Variants in ATP10B observed in about 807,000 individuals in gnomAD.
ATP10B encodes ATPase phospholipid transporting 10B (putative).
In ATP10B, 122 loss-of-function variants were observed where a neutral mutation model predicts 141.2. The observed-to-expected ratio is 0.86, with a 90% CI of 0.75 to 1.00. The LOEUF is 1.00. ATP10B is among the 50% of genes least tolerant of loss of function. ATP10B has a pLI of 0.00. For synonymous variants in ATP10B, 685 were observed against 692.0 expected (o/e 0.99, Z 0.16); for missense variants, 1,876 against 1,825.3 (o/e 1.03, Z -0.51).
At position 160,843,142 on chromosome 5, in the gene ATP10B, A is replaced by G. The variant is rs1241296716; in HGVS notation, c.-576+8799T>C. 2.0e-5 allele frequency among the ~76,000 whole-genome samples: 3 copies of G among 152,186 alleles called. No individual in the cohort carries two copies. The East Asian group carries it at 5.8e-4, about 29-fold the overall frequency. On this transcript the variant is annotated intron_variant, in intron 1 of 25. Coordinates refer to ENST00000327245, the MANE Select transcript of ATP10B (RefSeq NM_025153.3). The stretch of plus-strand genomic sequence containing the variant: ...CAGGTGGCATACATTCCAGGAATGC[A>G]AGGCTGGCTTCATGTTAGAAAAGCA...
chr5:160,803,942 G>C (rs1299157949), intron 1 of ATP10B, among the ~76,000 whole-genome samples: 1 of 150,868 alleles, frequency 6.6e-6, no homozygotes, highest in Admixed American at 6.6e-5. Context: ...TTTTTTCAAC[G>C]TTGCCCCTGT....
At chr5:160,916,430 C>A in the ATP10B span, among the ~76,000 whole-genome samples, 1 of 151,456 alleles carries the variant, frequency 6.6e-6, no homozygotes, top group Non-Finnish European at 1.5e-5. Context: ...AGGGTAAGAC[C>A]CCATAGCTTT....
At chr5:160,683,575 C>A (rs1222942675) in intron 6 of ATP10B, among the ~76,000 whole-genome samples, 1 of 152,174 alleles carries the variant, frequency 6.6e-6, no homozygotes, top group African/African-American at 2.4e-5. Context: ...GAGTACATAC[C>A]TCGAAGCAAG....
At chr5:160,815,949 G>A (rs2127954147) in intron 1 of ATP10B, among the ~76,000 whole-genome samples, 2 of 152,084 alleles carry the variant, frequency 1.3e-5, no homozygotes, top group African/African-American at 4.8e-5. Flanking sequence ...AAATAAAGAT[G>A]TTCTTTGAAA....
Position 160,591,035 on chromosome 5 carries a change from T to C in ATP10B, c.3645+24A>G, listed in dbSNP as rs533716855. Reference sequence around the variant, plus strand: ...CAGTTCTTCTCTGCAATTTATGTGGTTAGAATGGGACTACATGACTTACCA... The same window carrying C: ...CAGTTCTTCTCTGCAATTTATGTGGCTAGAATGGGACTACATGACTTACCA... On this transcript the variant is annotated intron_variant, in intron 23 of 25. Coordinates refer to ENST00000327245, the MANE Select transcript of ATP10B (RefSeq NM_025153.3). 4 of 1,590,660 alleles carry C rather than the reference T, an allele frequency of 2.5e-6. 1 individual carries two copies. The Middle Eastern group carries it at 5.0e-4, about 198-fold the overall frequency.
At chr5:160,696,133 G>T (rs1322050771) in intron 3 of ATP10B, among the ~76,000 whole-genome samples, 1 of 151,860 alleles carries the variant, frequency 6.6e-6, no homozygotes. Flanking sequence ...CACTGAGATA[G>T]TCTCACTCTG....
chr5:160,860,118 T>C, the ATP10B span, among the ~76,000 whole-genome samples: 1 of 151,952 alleles, frequency 6.6e-6, no homozygotes, highest in Non-Finnish European at 1.5e-5. Context: ...TCCAACGATA[T>C]TCAATTGTCT....
chr5:160,919,008 G>A, the ATP10B span, among the ~76,000 whole-genome samples: 2 of 151,098 alleles, frequency 1.3e-5, no homozygotes, highest in East Asian at 2.0e-4. Context: ...GGCGGATCAC[G>A]AGGTCAGGAG....
intron 1 of ATP10B, among the ~76,000 whole-genome samples, chr5:160,840,949 T>C (rs1404381894): frequency 6.6e-6 from 1 of 152,180 alleles, no homozygotes; most frequent in Non-Finnish European, 1.5e-5. Context: ...ATGATATATT[T>C]CGTTCATAGG....
At chr5:160,851,460 A>G (rs35253432) in intron 1 of ATP10B, among the ~76,000 whole-genome samples, 25,449 of 152,142 alleles carry the variant, frequency 0.17, 2,515 homozygotes, top group Non-Finnish European at 0.23. Context: ...ACTCAAAGGA[A>G]AGTCAAGCTT....
intron 2 of ATP10B, among the ~76,000 whole-genome samples, chr5:160,744,955 T>C (rs935614601): frequency 2.6e-5 from 4 of 152,178 alleles, no homozygotes; most frequent in African/African-American, 9.7e-5. Context: ...GCAGGGAAGA[T>C]TGCAGGCCCT....
At chr5:160,762,666 A>G (rs1214094205) in intron 2 of ATP10B, among the ~76,000 whole-genome samples, 1 of 151,648 alleles carries the variant, frequency 6.6e-6, no homozygotes, top group Non-Finnish European at 1.5e-5. Flanking sequence ...AAAAACCCAC[A>G]AAGTATTCAG....
chr5:160,664,696 G>T (rs115198148), intron 7 of ATP10B, among the ~76,000 whole-genome samples: 50 of 152,236 alleles, frequency 3.3e-4, no homozygotes, highest in African/African-American at 1.2e-3. Context: ...TGGCTAGTCC[G>T]CAGATCATAC....
intron 1 of ATP10B, among the ~76,000 whole-genome samples, chr5:160,839,224 GAGA>G (rs1775669973): frequency 6.6e-6 from 1 of 152,150 alleles, no homozygotes; most frequent in Non-Finnish European, 1.5e-5. Flanking sequence ...TTGGGGAAGG[GAGA>G]AGGATATTCT....
intron 24 of ATP10B, among the ~76,000 whole-genome samples, chr5:160,573,039 C>T (rs1044796975): frequency 3.3e-5 from 5 of 152,152 alleles, no homozygotes; most frequent in African/African-American, 1.2e-4. Flanking sequence ...TATATGTATC[C>T]TTCTAGTATG....
intron 1 of ATP10B, among the ~76,000 whole-genome samples, chr5:160,831,723 T>TC (rs1419724252): frequency 1.3e-5 from 2 of 152,096 alleles, no homozygotes; most frequent in East Asian, 3.9e-4. Flanking sequence ...GCTGAATACC[T>TC]CCTTACCAGG....
At chr5:160,856,049 C>G (rs114723960), upstream of ATP10B, among the ~76,000 whole-genome samples, 433 of 151,716 alleles carry the variant, frequency 2.9e-3, no homozygotes, top group Non-Finnish European at 4.1e-3. Context: ...ATTGTTTTAA[C>G]TATTCTTGGT....
chr5:160,731,149 T>C (rs1362693140), intron 2 of ATP10B, among the ~76,000 whole-genome samples: 2 of 152,242 alleles, frequency 1.3e-5, no homozygotes, highest in Non-Finnish European at 2.9e-5. Context: ...CATTATGATT[T>C]TCAGTCTATT....
At chr5:160,875,952 C>T in the ATP10B span, among the ~76,000 whole-genome samples, 2 of 54,250 alleles carry the variant, frequency 3.7e-5, no homozygotes, top group African/African-American at 8.3e-5. Flanking sequence ...TTTAACACCC[C>T]ACTGTCAACA....
Sources: allele counts gnomAD v4.1 joint callset (sites outside exome capture counted in the v4.1 genomes callset), GRCh38; gene constraint gnomAD v4.1.1; transcripts MANE v1.5; gene names NCBI Gene and HGNC (gene_info 2026-07-23, HGNC 2026-07-21).